HECW1: variants seen among roughly 807,000 people sequenced by gnomAD.
HECW1 encodes the protein HECT, C2 and WW domain containing E3 ubiquitin protein ligase 1, also known as E3 ubiquitin-protein ligase HECW1.
In HECW1, 61 loss-of-function variants were observed where a neutral mutation model predicts 182.3. That is an observed-to-expected ratio of 0.33 (90% CI 0.27 to 0.41). The LOEUF (loss-of-function observed/expected upper bound fraction) is 0.41. Among genes scored for constraint, HECW1 ranks in the 10% least tolerant of loss-of-function variants. HECW1 has a pLI of 1.00. For synonymous variants in HECW1, 859 were observed against 832.6 expected, an observed-to-expected ratio of 1.03 and a Z score of -0.55; for missense variants, 1,739 against 2,108.9, an observed-to-expected ratio of 0.82 and a Z score of 3.44.
At chr7:43,500,642 T>C in intron 19 of HECW1, 57 bp from the exon 20 acceptor site, 2 of 1,255,838 alleles carry the variant, frequency 1.6e-6, no homozygotes, top group Non-Finnish European at 1.2e-6. Context: ...GAAGAAAATG[T>C]ATTTCTGAGT....
At chr7:43,237,158 TAG>T (rs1798448032) in intron 2 of HECW1, among the ~76,000 whole-genome samples, 1 of 123,524 alleles carries the variant, frequency 8.1e-6, no homozygotes, top group African/African-American at 3.6e-5. Context: ...GGTAGGTAGG[TAG>T]GTAGGTAGGT....
intron 2 of HECW1, among the ~76,000 whole-genome samples, chr7:43,200,072 T>C (rs1473988464): frequency 1.3e-5 from 2 of 152,208 alleles, no homozygotes; most frequent in Non-Finnish European, 2.9e-5. Context: ...ACTTTTAAGG[T>C]CCTATTATCT....
chr7:43,221,559 T>G (rs1488972417), intron 2 of HECW1, among the ~76,000 whole-genome samples: 7 of 109,074 alleles, frequency 6.4e-5, no homozygotes, highest in African/African-American at 1.8e-4. Flanking sequence ...TTTTTTTTTT[T>G]TTTTTTTTTT....
At chr7:43,284,502 CAAAAAAAAAAA>C (rs1165081149) in intron 3 of HECW1, among the ~76,000 whole-genome samples, 1 of 53,790 alleles carries the variant, frequency 1.9e-5, no homozygotes, top group Non-Finnish European at 4.5e-5. Context: ...CCCATTTCTA[CAAAAAAAAAAA>C]AAAAAAAAAA....
At chr7:43,428,651 TGAG>T (rs2152863317) in intron 8 of HECW1, among the ~76,000 whole-genome samples, 1 of 152,308 alleles carries the variant, frequency 6.6e-6, no homozygotes, top group African/African-American at 2.4e-5. Flanking sequence ...GATATACAGA[TGAG>T]GAGCATCACT....
Position 43,243,463 on chromosome 7 carries a change from T to G in HECW1, c.-31-412T>G, listed in dbSNP as rs1314876177. Among the ~76,000 whole-genome samples, 1 of 152,146 alleles carries G rather than the reference T, an allele frequency of 6.6e-6. No homozygotes were observed. Among genetic ancestry groups the G allele is most frequent in the African/African-American group, 2.4e-5 (1 of 41,420 alleles). On this transcript the variant is annotated intron_variant, in intron 2 of 29. Coordinates refer to ENST00000395891, the MANE Select transcript of HECW1 (RefSeq NM_015052.5). This position sits in a 1 kb window ranked among gnomAD's most constrained non-coding sequence, Gnocchi z 4.0. ...TCAGCAGTTTAACTGTAGATTCCCCTTCCTTTGTGGTTGAGGGAGCTTCAG... is the reference window on the plus strand; with the variant it reads ...TCAGCAGTTTAACTGTAGATTCCCCGTCCTTTGTGGTTGAGGGAGCTTCAG...
intron 2 of HECW1, among the ~76,000 whole-genome samples, chr7:43,162,573 C>G (rs1790657269): frequency 6.6e-6 from 1 of 152,230 alleles, no homozygotes; most frequent in South Asian, 2.1e-4. Context: ...CATATGCACC[C>G]TTTTCCCAGA....
chr7:43,499,334 C>T (rs1053978417), intron 19 of HECW1, among the ~76,000 whole-genome samples: 1 of 151,632 alleles, frequency 6.6e-6, no homozygotes, highest in Admixed American at 6.6e-5. Flanking sequence ...CTGAGTGTGG[C>T]GGTGCATGCC....
chr7:43,414,367 G>A (rs2075913801), intron 8 of HECW1, among the ~76,000 whole-genome samples: 1 of 138,792 alleles, frequency 7.2e-6, no homozygotes, highest in South Asian at 2.6e-4. Context: ...TGAGACAATG[G>A]GGTTTTCTAG....
chr7:43,247,837 GGAAGGAA>G (rs1562729765), intron 3 of HECW1, among the ~76,000 whole-genome samples: 2 of 122,036 alleles, frequency 1.6e-5, no homozygotes, highest in East Asian at 2.4e-4. Context: ...AAGGTAAGAA[GGAAGGAA>G]GAAGGAAGGA....
At position 43,554,609 on chromosome 7, in the gene HECW1, C is replaced by T. The variant is rs1292115409; in HGVS notation, c.4528C>T (p.Leu1510Phe). 1 of 1,613,132 alleles carries T rather than the reference C, an allele frequency of 6.2e-7. No homozygotes were observed. The highest frequency in any genetic ancestry group is 1.3e-5 in the African/African-American group (1 of 75,052). ...TCGTGCAGGTTACCACGATGGGCAT[C>T]TTGTGATCCGCTGGTTCTGGGCTGC... ...EYRGGYHDGH[L>F]VIRWFWAAVE... Residue 1510 changes from leucine (L) to phenylalanine (F), a missense_variant, in exon 29 of 30, where the codon CTT (leucine) becomes TTT (phenylalanine). Leu to Phe is a conservative substitution (Grantham distance 22). Coordinates refer to ENST00000395891, the MANE Select transcript of HECW1 (RefSeq NM_015052.5).
At chr7:43,178,198 G>A (rs1253782240) in intron 2 of HECW1, among the ~76,000 whole-genome samples, 1 of 152,126 alleles carries the variant, frequency 6.6e-6, no homozygotes, top group Non-Finnish European at 1.5e-5. Flanking sequence ...TAGAGACGAG[G>A]TTTCACCATG....
intron 16 of HECW1, among the ~76,000 whole-genome samples, chr7:43,477,971 G>T (rs1289767513): frequency 6.6e-6 from 1 of 151,960 alleles, no homozygotes; most frequent in African/African-American, 2.4e-5. Context: ...TGAAAAGAGA[G>T]TAATTAAAAA....
chr7:43,416,946 G>A (rs2076027457), intron 8 of HECW1, among the ~76,000 whole-genome samples: 1 of 152,182 alleles, frequency 6.6e-6, no homozygotes, highest in South Asian at 2.1e-4. Flanking sequence ...CTAGTGAGAT[G>A]CACCCAGTAC....
chr7:43,378,989 G>C (rs1007927802), intron 6 of HECW1, among the ~76,000 whole-genome samples: 3 of 152,074 alleles, frequency 2.0e-5, no homozygotes, highest in African/African-American at 4.8e-5. Flanking sequence ...ATTGCTTATG[G>C]GGGGGCGGTG....
At chr7:43,297,778 A>T (rs1028758143) in intron 3 of HECW1, among the ~76,000 whole-genome samples, 9 of 152,226 alleles carry the variant, frequency 5.9e-5, no homozygotes, top group Admixed American at 5.9e-4. Context: ...TTTCTAAAAA[A>T]AAACTAAATT....
rs528155352 is a variant in HECW1, at chr7:43,380,997, A to G, written c.556-15817A>G. On this transcript the variant is annotated intron_variant, in intron 6 of 29. Coordinates refer to ENST00000395891, the MANE Select transcript of HECW1 (RefSeq NM_015052.5). ...CTCCAGTTGTTCCACATCCTTGCTA[A>G]CACTTGATATTGTCTTTTTATTTTT... 2.0e-5 allele frequency among the ~76,000 whole-genome samples: 3 copies of G among 152,288 alleles called. No homozygotes were observed. In the East Asian group the frequency reaches 5.8e-4, roughly 29 times the overall value.
intron 2 of HECW1, among the ~76,000 whole-genome samples, chr7:43,184,245 C>G (rs1254679600): frequency 2.6e-5 from 4 of 152,134 alleles, no homozygotes; most frequent in African/African-American, 9.7e-5. Flanking sequence ...GATCTCCTGA[C>G]CTCGTGATCC....
intron 29 of HECW1, among the ~76,000 whole-genome samples, chr7:43,555,768 T>C (rs2081995900): frequency 6.6e-6 from 1 of 152,222 alleles, no homozygotes; most frequent in Admixed American, 6.5e-5. Context: ...GCTTCAGCCC[T>C]GGCTTCACCC....
Sources: gnomAD v4.1 joint callset for allele counts (sites outside exome capture counted in the v4.1 genomes callset) on GRCh38, gnomAD v4.1.1 for gene constraint, Gnocchi (gnomAD v3.1) non-coding constraint, MANE v1.5 for transcripts, NCBI Gene and HGNC (gene_info 2026-07-23, HGNC 2026-07-21) for gene names.